Variants in PLOD1 observed in about 807,000 individuals in gnomAD.
PLOD1 encodes procollagen-lysine,2-oxoglutarate 5-dioxygenase 1.
Under a neutral mutation model 94.7 loss-of-function variants are expected in PLOD1, and 70 were observed. That is an observed-to-expected ratio of 0.74 (90% confidence interval 0.61 to 0.90). The LOEUF (loss-of-function observed/expected upper bound fraction) is 0.90. Among genes scored for constraint, PLOD1 ranks in the 40% least tolerant of loss-of-function variants. The pLI, the probability that PLOD1 is intolerant of heterozygous loss-of-function variation, is 0.00. For synonymous variants in PLOD1, 417 were observed against 400.2 expected (o/e 1.04, Z -0.50); for missense variants, 905 against 972.7 (o/e 0.93, Z 0.93).
At chr1:11,940,690 T>A (rs1645609392) in intron 1 of PLOD1, among the ~76,000 whole-genome samples, 1 of 151,994 alleles carries the variant, frequency 6.6e-6, no homozygotes, top group South Asian at 2.1e-4. Context: ...GGGCAGTAGG[T>A]GGGGAGGGCT....
intron 18 of PLOD1, among the ~76,000 whole-genome samples, chr1:11,974,126 A>C (rs1390067556): frequency 6.6e-6 from 1 of 152,020 alleles, no homozygotes; most frequent in Non-Finnish European, 1.5e-5. Flanking sequence ...GGTCACAGTT[A>C]GTAAAGAGTG....
At chr1:11,971,798 C>G (rs1645866163) in intron 17 of PLOD1, 1 of 152,338 alleles carries the variant, frequency 6.6e-6, no homozygotes, top group Non-Finnish European at 1.5e-5. Flanking sequence ...TAGCCACAAG[C>G]CTGTGCCCCA....
At position 11,964,735 on chromosome 1, in the gene PLOD1, C is replaced by T. The variant is rs755707958; in HGVS notation, c.1420C>T (p.His474Tyr). The part of the protein sequence containing the change: ...GELQSSDLFH[H>Y]SKLDPDMAFC... Reference sequence around the variant, plus strand: ...GCTGCAGTCCTCAGATCTCTTCCACCACAGCAAGCTGGACCCCGACATGGC... The same window carrying T: ...GCTGCAGTCCTCAGATCTCTTCCACTACAGCAAGCTGGACCCCGACATGGC... Residue 474 changes from histidine (H) to tyrosine (Y), a missense_variant, in exon 13 of 19, where the codon CAC becomes TAC. Coordinates refer to ENST00000196061, the MANE Select transcript of PLOD1 (RefSeq NM_000302.4). 8.7e-6 allele frequency: 14 copies of T among 1,613,732 alleles called. No homozygotes were observed. In the Admixed American group the frequency reaches 2.2e-4, roughly 25 times the overall value.
rs1645822540 is a variant in PLOD1, at chr1:11,966,910, G to C, written c.1651-77G>C. On this transcript the variant is annotated intron_variant, in intron 15 of 18. Coordinates refer to ENST00000196061, the MANE Select transcript of PLOD1 (RefSeq NM_000302.4). Reference sequence around the variant, plus strand: ...ACACTGGGAGGGCTCCCTGGCTTGGGTGTGTGGCCCTGAAGAGGAAGGAGG... The same window carrying C: ...ACACTGGGAGGGCTCCCTGGCTTGGCTGTGTGGCCCTGAAGAGGAAGGAGG... The C allele has an allele frequency of 3.3e-6, 3 of 913,756 alleles. No individual in the cohort carries two copies. The Admixed American group carries it at 5.1e-5, about 15-fold the overall frequency. The allele number at this position is 913,756 out of a possible 1,614,324, so 56.6% of individuals were successfully genotyped here. A position where few individuals can be genotyped will look rare whatever the true frequency, so the allele number is the denominator to read the frequency against.
intron 4 of PLOD1, among the ~76,000 whole-genome samples, chr1:11,952,357 G>A (rs1645709071): frequency 6.6e-6 from 1 of 152,176 alleles, no homozygotes; most frequent in African/African-American, 2.4e-5. Context: ...CCTATATGGT[G>A]CCCAGCACTG....
intron 1 of PLOD1, 117 bp downstream of exon 1, chr1:11,934,972 C>G: frequency 7.8e-7 from 1 of 1,276,966 alleles, no homozygotes; most frequent in South Asian, 1.5e-5. Context: ...AGTCTGGGTT[C>G]CGGCTCCTTG....
At chr1:11,941,327 T>C (rs1027386658) in intron 1 of PLOD1, among the ~76,000 whole-genome samples, 1 of 151,298 alleles carries the variant, frequency 6.6e-6, no homozygotes, top group African/African-American at 2.4e-5. Flanking sequence ...AAAAGTACCT[T>C]CCATGTTGCT....
Position 11,965,599 on chromosome 1 carries a change from GC to G in PLOD1, c.1584+8del. On this transcript the variant is annotated splice_region_variant and intron_variant, in intron 14 of 18. Coordinates refer to ENST00000196061, the MANE Select transcript of PLOD1 (RefSeq NM_000302.4). ...AGGTGTTCAGCAACCCCGAGGTGAG[GC>G]CAGGGTGGGCACATAGGGGCTGGGA... 1 of 1,563,560 alleles carries G rather than the reference GC, an allele frequency of 6.4e-7. No homozygotes were observed. The highest frequency in any genetic ancestry group is 8.8e-7 in the Non-Finnish European group (1 of 1,134,316).
At chr1:11,950,574 C>G in intron 4 of PLOD1, 54 bp downstream of exon 4, 1 of 1,550,712 alleles carries the variant, frequency 6.4e-7, no homozygotes, top group Non-Finnish European at 8.9e-7. Flanking sequence ...CATCTACTGC[C>G]TTTGTGGGGA....
Position 11,958,489 on chromosome 1 carries a change from A to G in PLOD1, c.844-27A>G, listed in dbSNP as rs1569707916. 1 of 1,611,194 alleles carries G rather than the reference A, an allele frequency of 6.2e-7. No individual in the cohort carries two copies. Among genetic ancestry groups the G allele is most frequent in the Non-Finnish European group, 8.5e-7 (1 of 1,179,300 alleles). On this transcript the variant is annotated intron_variant, in intron 8 of 18. Coordinates refer to ENST00000196061, the MANE Select transcript of PLOD1 (RefSeq NM_000302.4). This position sits in a 1 kb window ranked among gnomAD's most constrained non-coding sequence, Gnocchi z 4.3. Reference sequence around the variant, plus strand: ...CAGTGCTGTGACTGGACACTGCTGGACTCTTGTGCCGCCCTCCCTGGTGCA... The same window carrying G: ...CAGTGCTGTGACTGGACACTGCTGGGCTCTTGTGCCGCCCTCCCTGGTGCA...
intron 1 of PLOD1, among the ~76,000 whole-genome samples, chr1:11,939,145 G>A (rs1476325623): frequency 1.3e-5 from 2 of 152,144 alleles, no homozygotes; most frequent in East Asian, 1.9e-4. Context: ...TCAGCTGGCC[G>A]TTCAGGTCAT....
chr1:11,934,724 A>C lies in PLOD1; in HGVS notation c.-56A>C. 6.6e-7 allele frequency: 1 copy of C among 1,508,782 alleles called. No individual in the cohort carries two copies. The highest frequency in any genetic ancestry group is 8.8e-7 in the Non-Finnish European group (1 of 1,136,228). 93.5% of individuals were successfully genotyped at this position (1,508,782 alleles called of 1,614,324 possible). A position where few individuals can be genotyped will look rare whatever the true frequency, so the allele number is the denominator to read the frequency against. On this transcript the variant is annotated 5_prime_UTR_variant, in exon 1 of 19. Transcript: ENST00000196061. ...AGCGGGACCTGCGGCCCCGTCGCGAAGTTTCCAGCCCTGCGAGCGCCGCCG... is the reference window on the plus strand; with the variant it reads ...AGCGGGACCTGCGGCCCCGTCGCGACGTTTCCAGCCCTGCGAGCGCCGCCG...
At chr1:11,956,684 A>G (rs1201679960) in intron 6 of PLOD1, among the ~76,000 whole-genome samples, 1 of 152,116 alleles carries the variant, frequency 6.6e-6, no homozygotes, top group Non-Finnish European at 1.5e-5. Flanking sequence ...TTCTGTGCTC[A>G]TGATGGGCCA....
At position 11,974,828 on chromosome 1, in the gene PLOD1, T is replaced by C; in HGVS notation, c.*20T>C. ...CCCTAATTGGCCAGGCCTGACCCTC[T>C]TGGACCTTTCTTCTTTGCCGACAAC... On this transcript the variant is annotated 3_prime_UTR_variant, in exon 19 of 19. Transcript: ENST00000196061. The C allele has an allele frequency of 3.7e-6, 6 of 1,613,804 alleles. No homozygotes were observed. Among genetic ancestry groups the C allele is most frequent in the Non-Finnish European group, 5.1e-6 (6 of 1,179,706 alleles).
At chr1:11,970,557 G>C in intron 16 of PLOD1, 113 bp from the exon 17 acceptor site, 1 of 976,684 alleles carries the variant, frequency 1.0e-6, no homozygotes, top group Non-Finnish European at 1.6e-6. Flanking sequence ...AGCCTGTTCA[G>C]TTTTGTCATG....
intron 16 of PLOD1, among the ~76,000 whole-genome samples, chr1:11,967,608 T>A (rs1207176289): frequency 8.0e-6 from 1 of 125,732 alleles, no homozygotes; most frequent in South Asian, 2.8e-4. Flanking sequence ...TATATATATA[T>A]ATATATAAAA....
At position 11,958,052 on chromosome 1, in the gene PLOD1, AG is replaced by A; in HGVS notation, c.843+113del. The A allele has an allele frequency of 1.2e-6, 1 of 807,900 alleles. No homozygotes were observed. The highest frequency in any genetic ancestry group is 2.1e-6 in the Non-Finnish European group (1 of 466,218). The allele number at this position is 807,900 out of a possible 1,614,324, so 50.0% of individuals were successfully genotyped here. A position where few individuals can be genotyped will look rare whatever the true frequency, so the allele number is the denominator to read the frequency against. On this transcript the variant is annotated intron_variant, in intron 8 of 18. Coordinates refer to ENST00000196061, the MANE Select transcript of PLOD1 (RefSeq NM_000302.4). The surrounding 1 kb of genome is among the most constrained non-coding windows in gnomAD (Gnocchi z 4.3). ...CTCCATTGTCTTTGGTGGAAAGTGA[AG>A]GGGTCACCTCCCTGCCTGGGGTTCT...
At chr1:11,952,391 A>G (rs1332403286) in intron 4 of PLOD1, among the ~76,000 whole-genome samples, 1 of 152,336 alleles carries the variant, frequency 6.6e-6, no homozygotes, top group Admixed American at 6.5e-5. Context: ...AGTGGGCACC[A>G]TTGGTCTTAT....
chr1:11,949,843 T>C lies in PLOD1; in HGVS notation c.239T>C (p.Leu80Pro). ...GCAGGTGGAGGGCAGAAGGTCCGGC[T>C]GCTGAAGAAAGCTCTGGAGAAGCAC... Reference protein sequence around the residue: ...TSAGGGQKVRLLKKALEKHAD... With the variant: ...TSAGGGQKVRPLKKALEKHAD... The change falls in exon 3 of 19, where the codon CTG becomes CCG. Residue 80 changes from leucine to proline, a missense_variant. Coordinates refer to ENST00000196061, the MANE Select transcript of PLOD1 (RefSeq NM_000302.4). 1 of 1,614,130 alleles carries C rather than the reference T, an allele frequency of 6.2e-7. No individual in the cohort carries two copies. The highest frequency in any genetic ancestry group is 8.5e-7 in the Non-Finnish European group (1 of 1,179,982).
Sources: allele counts gnomAD v4.1 joint callset (sites outside exome capture counted in the v4.1 genomes callset), GRCh38; gene constraint gnomAD v4.1.1; non-coding constraint Gnocchi (gnomAD v3.1); transcripts MANE v1.5; gene names NCBI Gene and HGNC (gene_info 2026-07-23, HGNC 2026-07-21).